The following NEB variants were observed in gnomAD, a reference collection of about 807,000 sequenced individuals.
NEB encodes the protein nebulin.
In NEB, 512 loss-of-function variants were observed where a neutral mutation model predicts 952.2. The ratio of observed to expected loss-of-function variants is 0.54; its 90% confidence interval spans 0.50 to 0.58. The LOEUF (loss-of-function observed/expected upper bound fraction) is 0.58, where lower values mean the gene tolerates loss of function less well. Ranked by LOEUF, NEB falls within the 20% of genes least tolerant of loss-of-function variation. The pLI is 0.00. For missense variants in NEB, 8,428 were observed against 9,231.1 expected (o/e 0.91, Z 3.56); for synonymous variants, 2,900 against 3,149.8 (o/e 0.92, Z 2.66).
intron 38 of NEB, among the ~76,000 whole-genome samples, chr2:151,670,367 A>G (rs78128680): frequency 0.015 from 2,210 of 152,312 alleles, 54 homozygotes; most frequent in African/African-American, 0.051. Context: ...CTCTAAAATT[A>G]ACAAGTCATG....
intron 128 of NEB, 84 bp from the exon 129 acceptor site, chr2:151,551,929 C>T (rs2095366209): frequency 1.1e-6 from 1 of 949,920 alleles, no homozygotes; most frequent in Non-Finnish European, 1.6e-6. Flanking sequence ...AGCCTGCTTC[C>T]CTTTGCCTGG....
At chr2:151,660,901 T>G (rs1028394490) in intron 46 of NEB, among the ~76,000 whole-genome samples, 8 of 152,178 alleles carry the variant, frequency 5.3e-5, no homozygotes, top group Admixed American at 1.3e-4. Flanking sequence ...ATTGAGTACT[T>G]GAAATGTAGC....
chr2:151,617,881 G>A (rs1349435310), intron 74 of NEB, among the ~76,000 whole-genome samples: 1 of 152,030 alleles, frequency 6.6e-6, no homozygotes, highest in Non-Finnish European at 1.5e-5. Flanking sequence ...TCAACATGGT[G>A]AAACCCTGTC....
At chr2:151,570,947 C>T (rs937752747) in intron 107 of NEB, among the ~76,000 whole-genome samples, 3 of 152,110 alleles carry the variant, frequency 2.0e-5, no homozygotes, top group African/African-American at 7.2e-5. Flanking sequence ...ATGAGGATAA[C>T]TGGGTATCCA....
chr2:151,577,844 G>T (rs1208666930), intron 105 of NEB, among the ~76,000 whole-genome samples: 2 of 152,162 alleles, frequency 1.3e-5, no homozygotes, highest in Admixed American at 6.6e-5. Context: ...TCCCCAAAGT[G>T]CTGAGATTAC....
intron 46 of NEB, among the ~76,000 whole-genome samples, chr2:151,661,065 A>G (rs1053870775): frequency 6.6e-6 from 1 of 152,026 alleles, no homozygotes; most frequent in African/African-American, 2.4e-5. Flanking sequence ...CCTGCTGTTG[A>G]CCCGCTGTGT....
chr2:151,722,132 T>C (rs1481249126), intron 9 of NEB, among the ~76,000 whole-genome samples: 2 of 152,232 alleles, frequency 1.3e-5, no homozygotes, highest in Admixed American at 6.5e-5. Context: ...ACTGGCTTAC[T>C]AAGTCCAAAT....
chr2:151,538,382 A>G (rs2093543295), intron 138 of NEB, 138 bp from the exon 139 acceptor site: 2 of 637,952 alleles, frequency 3.1e-6, no homozygotes, highest in Non-Finnish European at 2.7e-6. Flanking sequence ...CTTATTTCAG[A>G]CCCTAGAAGA....
At chr2:151,673,890 T>C (rs1229851626) in intron 36 of NEB, among the ~76,000 whole-genome samples, 1 of 151,912 alleles carries the variant, frequency 6.6e-6, no homozygotes, top group South Asian at 2.1e-4. Context: ...CCCGCCACCA[T>C]TCGATCTCCT....
chr2:151,656,450 G>A lies in NEB; in HGVS notation c.6198C>T (p.Tyr2066=), dbSNP rs1407129280. ...RDIASDYKYK[Y]NYEKGKGKMV... is the part of the protein sequence containing the mutation. ...TTTTCCCCTTCCCTTTTTCATAATT[G>A]TACTTGTATTTATACTGTGAAGAAA... The change falls in exon 49 of 182, where the codon TAC becomes TAT. Residue 2066 remains tyrosine, a synonymous_variant. Coordinates refer to ENST00000397345, the MANE Select transcript of NEB (RefSeq NM_001164508.2). 2.5e-6 allele frequency: 4 copies of A among 1,610,370 alleles called. No homozygotes were observed. Among genetic ancestry groups the A allele is most frequent in the East Asian group, 4.5e-5 (2 of 44,846 alleles).
At chr2:151,508,178 A>G (rs771479630) in intron 161 of NEB, 69 bp from the exon 162 acceptor site, 13 of 1,040,580 alleles carry the variant, frequency 1.2e-5, no homozygotes, top group African/African-American at 1.6e-5. Flanking sequence ...GACCTAAAAT[A>G]GGCTATTTTA....
chr2:151,723,275 A>G (rs1367092490), intron 9 of NEB, 107 bp downstream of exon 9: 2 of 624,796 alleles, frequency 3.2e-6, no homozygotes, highest in Non-Finnish European at 5.4e-6. Flanking sequence ...GAAATACAAC[A>G]TTTAGTCTCT....
chr2:151,687,478 T>C lies in NEB; in HGVS notation c.2578A>G (p.Ser860Gly), dbSNP rs1355896648. The change falls in exon 27 of 182, where the codon AGC (serine) becomes GGC (glycine). Residue 860 changes from serine (S) to glycine (G), a missense_variant. By Grantham distance (56) the Ser-to-Gly change is moderately conservative. Coordinates refer to ENST00000397345, the MANE Select transcript of NEB (RefSeq NM_001164508.2). ...AGCATCTTTGGATCGTCATTAATGC[T>C]GAGGGCTCCAATCATTTTCCCTTTG... ...KSKGKMIGAL[S>G]INDDPKMLHS... The C allele has an allele frequency of 6.2e-7, 1 of 1,614,056 alleles. No homozygotes were observed. Among genetic ancestry groups the C allele is most frequent in the East Asian group, 2.2e-5 (1 of 44,888 alleles).
At chr2:151,725,282 T>C (rs181454588) in intron 6 of NEB, among the ~76,000 whole-genome samples, 171 bp downstream of exon 6, 7 of 152,328 alleles carry the variant, frequency 4.6e-5, no homozygotes, top group Admixed American at 3.3e-4. Context: ...GAAGTTTCTT[T>C]GGGTTCACAT....
chr2:151,538,971 T>C (rs1381154855), intron 138 of NEB, among the ~76,000 whole-genome samples: 6 of 152,222 alleles, frequency 3.9e-5, no homozygotes, highest in African/African-American at 1.4e-4. Context: ...TCTTTGACTT[T>C]GTAATTTTGT....
chr2:151,619,270 C>T (rs1043938219), intron 73 of NEB, among the ~76,000 whole-genome samples, 181 bp downstream of exon 73: 1 of 152,220 alleles, frequency 6.6e-6, no homozygotes, highest in African/African-American at 2.4e-5. Context: ...TCCTCTCCTA[C>T]AGAGAACTTT....
At chr2:151,658,655 G>T (rs1053285151) in intron 47 of NEB, among the ~76,000 whole-genome samples, 3 of 152,164 alleles carry the variant, frequency 2.0e-5, no homozygotes. Context: ...TTTTGCCCCA[G>T]ATTCTTCAAA....
chr2:151,524,278 CAT>C, intron 153 of NEB, 31 bp downstream of exon 153: 1 of 1,561,998 alleles, frequency 6.4e-7, no homozygotes, highest in Non-Finnish European at 8.8e-7. Flanking sequence ...AATCTCCTCA[CAT>C]GAGAGCCACC....
chr2:151,682,096 A>G (rs1170048820), intron 29 of NEB, among the ~76,000 whole-genome samples: 4 of 152,196 alleles, frequency 2.6e-5, no homozygotes, highest in African/African-American at 9.6e-5. Context: ...ACCAAATTAC[A>G]AGCAGAAACA....
Sources: allele counts gnomAD v4.1 joint callset (sites outside exome capture counted in the v4.1 genomes callset), GRCh38; gene constraint gnomAD v4.1.1; transcripts MANE v1.5; gene names NCBI Gene and HGNC (gene_info 2026-07-23, HGNC 2026-07-21).